The following TAMM41 variants were observed in gnomAD, a reference collection of about 807,000 sequenced individuals.
TAMM41 encodes phosphatidate cytidylyltransferase, mitochondrial.
Under a neutral mutation model 44.1 loss-of-function variants are expected in TAMM41, and 36 were observed. The ratio of observed to expected loss-of-function variants is 0.82; its 90% CI spans 0.63 to 1.08. The LOEUF (loss-of-function observed/expected upper bound fraction) is 1.08. TAMM41 is among the 50% of genes least tolerant of loss of function. The pLI is 0.00. For synonymous variants in TAMM41, 164 were observed against 153.1 expected, an observed-to-expected ratio of 1.07 and a Z score of -0.53; for missense variants, 417 against 404.3, an observed-to-expected ratio of 1.03 and a Z score of -0.27.
At chr3:11,838,971 C>A (rs1476537840) in intron 3 of TAMM41, among the ~76,000 whole-genome samples, 1 of 152,144 alleles carries the variant, frequency 6.6e-6, no homozygotes, top group Non-Finnish European at 1.5e-5. Flanking sequence ...TCATCCCTAA[C>A]ACTCAGATAT....
the TAMM41 span, among the ~76,000 whole-genome samples, chr3:11,727,575 ACAC>A: frequency 1.3e-5 from 2 of 152,032 alleles, no homozygotes; most frequent in Non-Finnish European, 2.9e-5. Context: ...AGTGATCCTC[ACAC>A]CTCAGCCTCC....
At chr3:11,777,226 G>A in the TAMM41 span, among the ~76,000 whole-genome samples, 3,482 of 152,254 alleles carry the variant, frequency 0.023, 100 homozygotes, top group East Asian at 0.13. Flanking sequence ...ATCAAATCAT[G>A]AGATTGTATA....
the TAMM41 span, among the ~76,000 whole-genome samples, chr3:11,777,398 C>T: frequency 2.0e-5 from 3 of 152,232 alleles, no homozygotes. Flanking sequence ...TAAATGACGT[C>T]AGGATTAATG....
chr3:11,800,454 G>A (rs1317196922), intron 7 of TAMM41, among the ~76,000 whole-genome samples: 1 of 151,016 alleles, frequency 6.6e-6, no homozygotes, highest in Non-Finnish European at 1.5e-5. Flanking sequence ...TAGACTGAAA[G>A]TAAAGGGGTG....
rs1559338960 is a variant in TAMM41 at position 11,846,614 on chromosome 3, C to T, written c.23G>A (p.Ser8Asn). The T allele has an allele frequency of 1.9e-6, 3 of 1,614,236 alleles. No homozygotes were observed. Among genetic ancestry groups the T allele is most frequent in the Non-Finnish European group, 1.7e-6 (2 of 1,180,042 alleles). MALQTLQSSWVTFRKILS... is the reference protein window; with the variant it reads MALQTLQNSWVTFRKILS... ...GATCTTGCGGAAGGTCACCCACGAG[C>T]TCTGCAGCGTCTGCAGCGCCATGGG... The change falls in exon 1 of 8, where the codon AGC becomes AAC. Residue 8 changes from serine (S) to asparagine (N), a missense_variant. By Grantham distance (46) the Ser-to-Asn change is conservative. Transcript: ENST00000455809.
downstream of TAMM41, among the ~76,000 whole-genome samples, chr3:11,787,667 G>A (rs1410096601): frequency 1.3e-5 from 2 of 152,166 alleles, no homozygotes; most frequent in African/African-American, 4.8e-5. Flanking sequence ...ACCACGTTAG[G>A]TAATTTACGT....
intron 4 of TAMM41, among the ~76,000 whole-genome samples, chr3:11,817,693 G>T (rs182787443): frequency 1.3e-5 from 2 of 152,226 alleles, no homozygotes; most frequent in Admixed American, 1.3e-4. Context: ...GGCCAATGAA[G>T]GAGATAGGAG....
chr3:11,768,157 A>T, the TAMM41 span, among the ~76,000 whole-genome samples: 17 of 135,466 alleles, frequency 1.3e-4, no homozygotes, highest in Admixed American at 6.5e-4. Flanking sequence ...TTTTTTTTTG[A>T]GATGGGGTTT....
At chr3:11,824,353 G>T (rs1011861735) in intron 4 of TAMM41, among the ~76,000 whole-genome samples, 2 of 137,692 alleles carry the variant, frequency 1.5e-5, no homozygotes, top group Non-Finnish European at 3.1e-5. Context: ...ACCATGCCTG[G>T]CTAATTTTTT....
chr3:11,812,649 C>T (rs768274863), intron 5 of TAMM41, among the ~76,000 whole-genome samples: 2 of 152,148 alleles, frequency 1.3e-5, no homozygotes, highest in African/African-American at 2.4e-5. Flanking sequence ...GACTGCCACC[C>T]AATTAATTTA....
chr3:11,833,801 A>C (rs1043017347), intron 3 of TAMM41, among the ~76,000 whole-genome samples: 6 of 152,214 alleles, frequency 3.9e-5, no homozygotes, highest in African/African-American at 1.4e-4. Context: ...CTTTTATAGC[A>C]CTGGGGGTTT....
At chr3:11,797,095 C>T (rs1190435070) in intron 7 of TAMM41, among the ~76,000 whole-genome samples, 1 of 152,308 alleles carries the variant, frequency 6.6e-6, no homozygotes, top group South Asian at 2.1e-4. Context: ...ATATTCAAGG[C>T]TATTCCTATT....
At chr3:11,815,881 G>A (rs1296202380) in intron 5 of TAMM41, among the ~76,000 whole-genome samples, 2 of 152,154 alleles carry the variant, frequency 1.3e-5, no homozygotes, top group African/African-American at 4.8e-5. Context: ...TGGTAAGCAG[G>A]GCTGAGAATG....
the TAMM41 span, among the ~76,000 whole-genome samples, chr3:11,746,395 T>C: frequency 6.6e-6 from 1 of 151,900 alleles, no homozygotes; most frequent in African/African-American, 2.4e-5. Context: ...GTAATGTTAC[T>C]AGAAGACTTG....
At chr3:11,751,862 G>T in the TAMM41 span, among the ~76,000 whole-genome samples, 1 of 152,180 alleles carries the variant, frequency 6.6e-6, no homozygotes, top group African/African-American at 2.4e-5. Context: ...GTTCAGATAT[G>T]CTGGGTATGA....
At chr3:11,792,903 T>C (rs2077513360) in intron 7 of TAMM41, among the ~76,000 whole-genome samples, 1 of 151,052 alleles carries the variant, frequency 6.6e-6, no homozygotes, top group South Asian at 2.1e-4. Context: ...CTACTAAAAA[T>C]ACAAAAAATT....
chr3:11,805,837 G>C (rs569229270), intron 7 of TAMM41, among the ~76,000 whole-genome samples: 39 of 152,322 alleles, frequency 2.6e-4, no homozygotes, highest in African/African-American at 9.1e-4. Context: ...AGTCAGTATA[G>C]CATTTGATAT....
chr3:11,772,448 G>A, the TAMM41 span, among the ~76,000 whole-genome samples: 1 of 152,138 alleles, frequency 6.6e-6, no homozygotes, highest in African/African-American at 2.4e-5. Flanking sequence ...GTGACAACAA[G>A]CGGTATCTAG....
At chr3:11,730,034 T>C in the TAMM41 span, among the ~76,000 whole-genome samples, 4 of 152,196 alleles carry the variant, frequency 2.6e-5, no homozygotes, top group Admixed American at 2.6e-4. Flanking sequence ...TTGAACAATC[T>C]TTCAATAATA....
Sources: gnomAD v4.1 joint callset for allele counts (sites outside exome capture counted in the v4.1 genomes callset) on GRCh38, gnomAD v4.1.1 for gene constraint, MANE v1.5 for transcripts, NCBI Gene and HGNC (gene_info 2026-07-23, HGNC 2026-07-21) for gene names.